CAMK2B: variants seen among roughly 807,000 people sequenced by gnomAD.
The protein encoded by CAMK2B is calcium/calmodulin dependent protein kinase II beta, also known as calcium/calmodulin-dependent protein kinase type II subunit beta.
In CAMK2B, 27 loss-of-function variants were observed where a neutral mutation model predicts 93.7. That is an observed-to-expected ratio of 0.29 (90% CI 0.21 to 0.40). The LOEUF (loss-of-function observed/expected upper bound fraction) is 0.40. CAMK2B is among the 10% of genes least tolerant of loss of function. The pLI is 1.00. For missense variants in CAMK2B, 568 were observed against 895.8 expected, an observed-to-expected ratio of 0.63 and a Z score of 4.67; for synonymous variants, 374 against 358.8, an observed-to-expected ratio of 1.04 and a Z score of -0.48.
intron 12 of CAMK2B, 32 bp from the exon 13 acceptor site, chr7:44,239,695 G>T: frequency 1.3e-6 from 2 of 1,492,070 alleles, no homozygotes; most frequent in Non-Finnish European, 1.8e-6. Context: ...CGAGGGGAAG[G>T]GAGGGGTGGG....
chr7:44,258,653 C>T (rs1259530830), intron 4 of CAMK2B, among the ~76,000 whole-genome samples: 1 of 152,216 alleles, frequency 6.6e-6, no homozygotes, highest in African/African-American at 2.4e-5. Flanking sequence ...AGCCCTGCCT[C>T]TGTGGGCCTC....
At chr7:44,242,090 C>T in intron 10 of CAMK2B, 128 bp downstream of exon 10, 1 of 1,155,276 alleles carries the variant, frequency 8.7e-7, no homozygotes, top group South Asian at 1.5e-5. Context: ...ACAAGGAGCA[C>T]CCAGGGGACC....
intron 1 of CAMK2B, among the ~76,000 whole-genome samples, chr7:44,302,462 T>C (rs1276898487): frequency 1.3e-5 from 2 of 152,124 alleles, no homozygotes; most frequent in South Asian, 2.1e-4. Context: ...AAAAGAAATA[T>C]ACAGACCAAA....
At chr7:44,229,057 C>T (rs767630911) in intron 18 of CAMK2B, 133 bp from the exon 19 acceptor site, 1 of 876,892 alleles carries the variant, frequency 1.1e-6, no homozygotes. Context: ...TGAATCAGAG[C>T]CTGCCTCAAT....
chr7:44,246,860 G>A (rs1473389396), intron 6 of CAMK2B, among the ~76,000 whole-genome samples: 3 of 151,684 alleles, frequency 2.0e-5, no homozygotes, highest in Non-Finnish European at 4.4e-5. Flanking sequence ...TTACATACAG[G>A]TGCACACACA....
chr7:44,288,990 C>T (rs892309064), intron 1 of CAMK2B, among the ~76,000 whole-genome samples: 2 of 152,184 alleles, frequency 1.3e-5, no homozygotes, highest in African/African-American at 2.4e-5. Context: ...CAGCAGGAAG[C>T]GTCATTGTCT....
At chr7:44,245,595 G>T (rs192516190) in intron 6 of CAMK2B, among the ~76,000 whole-genome samples, 74 of 152,292 alleles carry the variant, frequency 4.9e-4, no homozygotes, top group African/African-American at 1.7e-3. Context: ...ACGTGGCCCC[G>T]AGGGGAGCAC....
At chr7:44,308,311 C>A (rs1201703720) in intron 1 of CAMK2B, among the ~76,000 whole-genome samples, 13 of 152,178 alleles carry the variant, frequency 8.5e-5, no homozygotes, top group Non-Finnish European at 1.5e-5. Context: ...AAAGAAGTGC[C>A]CATGGTAGGT....
intron 14 of CAMK2B, 58 bp downstream of exon 14, chr7:44,234,577 CGTGG>C (rs2096608355): frequency 5.0e-6 from 8 of 1,603,424 alleles, no homozygotes; most frequent in Non-Finnish European, 6.8e-6. Context: ...AGCCCCAGGG[CGTGG>C]GGGTGAAGCT....
intron 1 of CAMK2B, among the ~76,000 whole-genome samples, chr7:44,320,527 A>G (rs559398397): frequency 2.8e-4 from 43 of 152,318 alleles, no homozygotes; most frequent in African/African-American, 1.0e-3. Flanking sequence ...TACTTCACAG[A>G]TCTAGCGCGT....
intron 5 of CAMK2B, 132 bp downstream of exon 5, chr7:44,254,410 G>T (rs1442910198): frequency 7.1e-6 from 5 of 703,038 alleles, no homozygotes; most frequent in Middle Eastern, 2.6e-4. Flanking sequence ...CATGCCCATC[G>T]CTCTGGGGTG....
At position 44,224,512 on chromosome 7, in the gene CAMK2B, G is replaced by C. The variant is rs1459317722; in HGVS notation, c.1597+2004C>G. On this transcript the variant is annotated intron_variant, in intron 20 of 23. Transcript: ENST00000395749. This position sits in a 1 kb window ranked among gnomAD's most constrained non-coding sequence, Gnocchi z 4.4. Reference sequence around the variant, plus strand: ...ACGAGCCAAGAGCCTCTGCAAGTCAGGCCTTCCAGGTGCCCTGACATGAAC... The same window carrying C: ...ACGAGCCAAGAGCCTCTGCAAGTCACGCCTTCCAGGTGCCCTGACATGAAC... 6.6e-6 allele frequency among the ~76,000 whole-genome samples: 1 copy of C among 152,226 alleles called. No homozygotes were observed. Among genetic ancestry groups the C allele is most frequent in the Admixed American group, 6.5e-5 (1 of 15,292 alleles).
intron 1 of CAMK2B, among the ~76,000 whole-genome samples, chr7:44,293,111 G>A (rs1323618757): frequency 2.0e-5 from 3 of 152,142 alleles, no homozygotes; most frequent in Admixed American, 6.5e-5. Context: ...CCCTCTCCCA[G>A]GGGCAGCGCC....
chr7:44,240,351 A>T (rs1554382695), intron 12 of CAMK2B, among the ~76,000 whole-genome samples: 1 of 152,130 alleles, frequency 6.6e-6, no homozygotes, highest in Non-Finnish European at 1.5e-5. Flanking sequence ...CACAAAACAC[A>T]ATGTTCAGAG....
At chr7:44,254,639 C>T (rs1202238691) in intron 4 of CAMK2B, 32 bp from the exon 5 acceptor site, 1 of 1,485,522 alleles carries the variant, frequency 6.7e-7, no homozygotes, top group Non-Finnish European at 9.4e-7. Context: ...GTCACAGATT[C>T]TGGAGACCCC....
In CAMK2B at chr7:44,278,843, G is replaced by A. The variant is rs149055173; in HGVS notation, c.160+5288C>T. ...CCAGATTTCAACTCCAAGGGGATGA[G>A]GTTCCCTCAAAGCCGGGGTGGTAGG... On this transcript the variant is annotated intron_variant, in intron 2 of 23. Transcript: ENST00000395749. 1.2e-3 allele frequency among the ~76,000 whole-genome samples: 180 copies of A among 152,372 alleles called. 1 individual carries two copies. The highest frequency in any genetic ancestry group is 1.9e-3 in the Non-Finnish European group (129 of 68,040).
At chr7:44,222,081 C>T (rs1003587213) in intron 20 of CAMK2B, among the ~76,000 whole-genome samples, 1 of 152,174 alleles carries the variant, frequency 6.6e-6, no homozygotes, top group African/African-American at 2.4e-5. Flanking sequence ...TACATGCACA[C>T]TCACACACAG....
At chr7:44,281,863 A>G (rs1476699616) in intron 2 of CAMK2B, among the ~76,000 whole-genome samples, 1 of 152,134 alleles carries the variant, frequency 6.6e-6, no homozygotes, top group East Asian at 1.9e-4. Flanking sequence ...TCTCCCGGCC[A>G]GGGGCCACCT....
rs1390335291 is a variant in CAMK2B at position 44,303,162 on chromosome 7, C to T, written c.66-18937G>A. ...ACACAATACCATTTACATTTCATCC[C>T]CCAAAGTGAAATACTTAGGTATAAA... On this transcript the variant is annotated intron_variant, in intron 1 of 23. Transcript: ENST00000395749. Among the ~76,000 whole-genome samples the T allele has an allele frequency of 3.9e-5, 6 of 152,166 alleles. No individual in the cohort carries two copies. In the East Asian group the frequency reaches 7.7e-4, roughly 20 times the overall value.
Sources: allele counts gnomAD v4.1 joint callset (sites outside exome capture counted in the v4.1 genomes callset), GRCh38; gene constraint gnomAD v4.1.1; non-coding constraint Gnocchi (gnomAD v3.1); transcripts MANE v1.5; gene names NCBI Gene and HGNC (gene_info 2026-07-23, HGNC 2026-07-21).